SMAD9: variants seen among roughly 807,000 people sequenced by gnomAD.
The protein encoded by SMAD9 is MAD homolog 9.
Under a neutral mutation model 46.1 loss-of-function variants are expected in SMAD9, and 36 were observed. That is an observed-to-expected ratio of 0.78 (90% CI 0.60 to 1.03). SMAD9 has a LOEUF of 1.03. Among genes scored for constraint, SMAD9 ranks in the 50% least tolerant of loss-of-function variants. The probability of loss-of-function intolerance (pLI) is 0.00; values close to 1 mark genes in which losing one functional copy is unlikely to be tolerated. For synonymous variants in SMAD9, 245 were observed against 237.1 expected, an observed-to-expected ratio of 1.03 and a Z score of -0.31; for missense variants, 572 against 599.8, an observed-to-expected ratio of 0.95 and a Z score of 0.48.
chr13:36,907,531 C>T (rs2058629030), intron 1 of SMAD9, among the ~76,000 whole-genome samples: 1 of 152,048 alleles, frequency 6.6e-6, no homozygotes, highest in Admixed American at 6.6e-5. Context: ...TTTGATTAGC[C>T]AGGCGTGGTG....
Position 36,845,819 on chromosome 13 carries a change from T to C in SMAD9, c.*2857A>G, listed in dbSNP as rs992397584. 3 of 152,208 alleles carry C rather than the reference T, an allele frequency of 2.0e-5. No homozygotes were observed. The highest frequency in any genetic ancestry group is 6.5e-5 in the Admixed American group (1 of 15,286). 9.4% of individuals were successfully genotyped at this position (152,208 alleles called of 1,614,324 possible). On this transcript the variant is annotated 3_prime_UTR_variant, in exon 7 of 7. Coordinates refer to ENST00000379826, the MANE Select transcript of SMAD9 (RefSeq NM_001127217.3). ...CTAAATTCTTCAAAATGTACAAGCA[T>C]CATAATAAAGGCTTTTGATGAGACA...
intron 6 of SMAD9, among the ~76,000 whole-genome samples, chr13:36,850,575 T>C (rs1593544179): frequency 6.6e-6 from 1 of 151,848 alleles, no homozygotes; most frequent in South Asian, 2.1e-4. Flanking sequence ...GATGGGGTTT[T>C]GCCATGTTGG....
chr13:36,875,635 T>C (rs551867508), intron 2 of SMAD9, among the ~76,000 whole-genome samples: 5 of 152,368 alleles, frequency 3.3e-5, no homozygotes, highest in African/African-American at 1.2e-4. Context: ...CGAATGTGTA[T>C]GGCTTCTTTG....
Position 36,846,040 on chromosome 13 carries a change from G to A in SMAD9, c.*2636C>T, listed in dbSNP as rs886050152. 1 of 152,004 alleles carries A rather than the reference G, an allele frequency of 6.6e-6. No individual in the cohort carries two copies. Among genetic ancestry groups the A allele is most frequent in the Non-Finnish European group, 1.5e-5 (1 of 68,014 alleles). 9.4% of individuals were successfully genotyped at this position (152,004 alleles called of 1,614,324 possible). On this transcript the variant is annotated 3_prime_UTR_variant, in exon 7 of 7. Coordinates refer to ENST00000379826, the MANE Select transcript of SMAD9 (RefSeq NM_001127217.3). ...AGTTGTATGATCATAGTTCACTACAGCCCCAAACTCCTGGGCTCAGATGAT... is the reference window on the plus strand; with the variant it reads ...AGTTGTATGATCATAGTTCACTACAACCCCAAACTCCTGGGCTCAGATGAT...
At chr13:36,889,498 C>T (rs1220225128) in intron 1 of SMAD9, among the ~76,000 whole-genome samples, 1 of 152,162 alleles carries the variant, frequency 6.6e-6, no homozygotes, top group East Asian at 1.9e-4. Context: ...GGGCCATTAA[C>T]TCATAGAACA....
chr13:36,908,162 G>T (rs2058633364), intron 1 of SMAD9, among the ~76,000 whole-genome samples: 1 of 152,180 alleles, frequency 6.6e-6, no homozygotes, highest in African/African-American at 2.4e-5. Flanking sequence ...ATACTAAAAA[G>T]GGGAGAAAAT....
rs1302745370 is a variant in SMAD9, at chr13:36,920,195, C to G, written c.-266G>C. The G allele has an allele frequency of 6.2e-6, 1 of 161,082 alleles. No individual in the cohort carries two copies. The highest frequency in any genetic ancestry group is 1.3e-5 in the Non-Finnish European group (1 of 78,528). 10.0% of individuals were successfully genotyped at this position (161,082 alleles called of 1,614,324 possible). ...GAGACAGCGGCTGCAGCAGCGGCGG[C>G]GGCGGCGGCGGCGGCGGCGGCCCCA... is the stretch of plus-strand genomic sequence containing the variant. On this transcript the variant is annotated 5_prime_UTR_variant, in exon 1 of 7. Coordinates refer to ENST00000379826, the MANE Select transcript of SMAD9 (RefSeq NM_001127217.3).
intron 3 of SMAD9, among the ~76,000 whole-genome samples, chr13:36,872,347 T>C (rs1446910021): frequency 6.8e-6 from 1 of 147,066 alleles, no homozygotes. Context: ...ATTACAGAAG[T>C]CTTTTCATCT....
chr13:36,894,682 T>A (rs950791681), intron 1 of SMAD9, among the ~76,000 whole-genome samples: 1 of 152,136 alleles, frequency 6.6e-6, no homozygotes, highest in African/African-American at 2.4e-5. Flanking sequence ...GTCACCTCCA[T>A]GGAGTCCTCC....
chr13:36,881,666 G>A (rs1566027899), intron 1 of SMAD9, among the ~76,000 whole-genome samples: 1 of 152,180 alleles, frequency 6.6e-6, no homozygotes, highest in Non-Finnish European at 1.5e-5. Flanking sequence ...TGCTCTTTTC[G>A]CTTGGCAGTT....
At chr13:36,898,006 G>A (rs888538154) in intron 1 of SMAD9, among the ~76,000 whole-genome samples, 2 of 151,720 alleles carry the variant, frequency 1.3e-5, no homozygotes, top group African/African-American at 2.4e-5. Context: ...ACAGGCGCCC[G>A]CCACCACACC....
chr13:36,877,129 C>T (rs564950030), intron 2 of SMAD9, among the ~76,000 whole-genome samples: 23 of 152,132 alleles, frequency 1.5e-4, no homozygotes, highest in East Asian at 1.2e-3. Context: ...TTTGGGAGGA[C>T]GAGGCAGGTG....
chr13:36,892,905 C>T (rs1732762416), intron 1 of SMAD9, among the ~76,000 whole-genome samples: 1 of 151,996 alleles, frequency 6.6e-6, no homozygotes, highest in Admixed American at 6.6e-5. Flanking sequence ...CTTTTTTGGG[C>T]CAGAAATGTT....
rs1329198661 is a variant in SMAD9, at chr13:36,847,370, G to C, written c.*1306C>G. 1 of 152,148 alleles carries C rather than the reference G, an allele frequency of 6.6e-6. No individual in the cohort carries two copies. The highest frequency in any genetic ancestry group is 1.5e-5 in the Non-Finnish European group (1 of 68,036). The allele number at this position is 152,148 out of a possible 1,614,324, so 9.4% of individuals were successfully genotyped here. ...CAAGCAATGCAGTGTTTAGTGCATG[G>C]CAAGTATATATATGAAAGTACCTAG... On this transcript the variant is annotated 3_prime_UTR_variant, in exon 7 of 7. Transcript: ENST00000379826.
intron 5 of SMAD9, among the ~76,000 whole-genome samples, chr13:36,860,931 G>A (rs748824919): frequency 3.9e-5 from 6 of 152,180 alleles, no homozygotes; most frequent in Non-Finnish European, 5.9e-5. Context: ...TATTGCCTTT[G>A]ACATTTAAGT....
chr13:36,915,980 C>T (rs1481384251), intron 1 of SMAD9, among the ~76,000 whole-genome samples: 2 of 152,136 alleles, frequency 1.3e-5, no homozygotes, highest in Admixed American at 6.5e-5. Flanking sequence ...GATTGTTACA[C>T]AGAACATGAT....
intron 3 of SMAD9, among the ~76,000 whole-genome samples, chr13:36,868,928 T>C (rs576346968): frequency 1.3e-5 from 2 of 152,308 alleles, no homozygotes; most frequent in South Asian, 2.1e-4. Flanking sequence ...CAATGAGATA[T>C]CGTTCAGTCA....
chr13:36,904,320 A>C (rs1278593904), intron 1 of SMAD9, among the ~76,000 whole-genome samples: 1 of 152,172 alleles, frequency 6.6e-6, no homozygotes, highest in African/African-American at 2.4e-5. Context: ...TTGCCTGGAT[A>C]ATGATTTACA....
chr13:36,867,205 CTTTG>C (rs1336849348), intron 4 of SMAD9, 64 bp downstream of exon 4: 2 of 1,076,820 alleles, frequency 1.9e-6, no homozygotes, highest in African/African-American at 3.1e-5. Flanking sequence ...TTTTGAGTTG[CTTTG>C]TTTGGGGGTA....
Sources: gnomAD v4.1 joint callset for allele counts (sites outside exome capture counted in the v4.1 genomes callset) on GRCh38, gnomAD v4.1.1 for gene constraint, MANE v1.5 for transcripts, NCBI Gene and HGNC (gene_info 2026-07-23, HGNC 2026-07-21) for gene names.